The following EML6 variants were observed in gnomAD, a reference collection of about 807,000 sequenced individuals.
EML6 encodes the protein EMAP like 6.
In EML6, 154 loss-of-function variants were observed where a neutral mutation model predicts 240.1. The observed-to-expected ratio is 0.64, with a 90% CI of 0.56 to 0.73. The LOEUF is 0.73. Ranked by LOEUF, EML6 falls within the 30% of genes least tolerant of loss-of-function variation. The pLI is 0.00. For synonymous variants in EML6, 1,148 were observed against 899.0 expected, an observed-to-expected ratio of 1.28 and a Z score of -4.95; for missense variants, 2,964 against 2,474.6, an observed-to-expected ratio of 1.20 and a Z score of -4.20.
At chr2:54,875,670 G>A (rs2103950307) in intron 16 of EML6, among the ~76,000 whole-genome samples, 1 of 152,336 alleles carries the variant, frequency 6.6e-6, no homozygotes, top group Non-Finnish European at 1.5e-5. Flanking sequence ...GGCAAAATCT[G>A]TAACTGGGCT....
intron 7 of EML6, among the ~76,000 whole-genome samples, chr2:54,842,123 C>T (rs1016718881): frequency 1.2e-4 from 18 of 152,018 alleles, no homozygotes; most frequent in East Asian, 3.9e-4. Context: ...CTCTTGGTGG[C>T]GTATATTCTG....
Position 54,798,985 on chromosome 2 carries a change from A to T in EML6, c.198-14247A>T, listed in dbSNP as rs1232041329. 2.0e-5 allele frequency among the ~76,000 whole-genome samples: 3 copies of T among 152,146 alleles called. No homozygotes were observed. The East Asian group carries it at 5.8e-4, about 29-fold the overall frequency. ...TGCTGACAGCATTTATCATGAATGGATGTTGGATTTTGTTAACCAGCAAAT... is the reference window on the plus strand; with the variant it reads ...TGCTGACAGCATTTATCATGAATGGTTGTTGGATTTTGTTAACCAGCAAAT... On this transcript the variant is annotated intron_variant, in intron 2 of 41. Transcript: ENST00000356458.
intron 11 of EML6, among the ~76,000 whole-genome samples, chr2:54,857,691 T>C (rs551492113): frequency 3.7e-4 from 57 of 152,314 alleles, no homozygotes; most frequent in African/African-American, 1.3e-3. Context: ...TGGTTTCATT[T>C]GACTTAGAAC....
intron 21 of EML6, among the ~76,000 whole-genome samples, chr2:54,896,358 G>A (rs1216099008): frequency 3.3e-5 from 5 of 152,158 alleles, no homozygotes; most frequent in African/African-American, 1.2e-4. Context: ...CTCAGCCTTG[G>A]TCCACATAAG....
At chr2:54,795,759 C>T (rs1258101577) in intron 2 of EML6, among the ~76,000 whole-genome samples, 2 of 152,142 alleles carry the variant, frequency 1.3e-5, no homozygotes, top group Admixed American at 6.5e-5. Context: ...GTGATTTCCC[C>T]CGAATTCAAT....
intron 2 of EML6, among the ~76,000 whole-genome samples, chr2:54,799,904 G>A (rs539549550): frequency 6.6e-6 from 1 of 152,292 alleles, no homozygotes; most frequent in South Asian, 2.1e-4. Context: ...TAAAAGGAAA[G>A]TGAATGTGAA....
At chr2:54,909,227 CTT>C (rs1673509637) in intron 24 of EML6, among the ~76,000 whole-genome samples, 1 of 152,186 alleles carries the variant, frequency 6.6e-6, no homozygotes, top group African/African-American at 2.4e-5. Flanking sequence ...TGCAATCACT[CTT>C]GAGTGTCCTA....
chr2:54,964,239 G>T (rs1313767822), intron 37 of EML6, 81 bp downstream of exon 37: 1 of 1,420,730 alleles, frequency 7.0e-7, no homozygotes, highest in East Asian at 2.5e-5. Flanking sequence ...GCCACGGCTG[G>T]AATAAAGAAC....
intron 28 of EML6, among the ~76,000 whole-genome samples, chr2:54,938,319 A>G (rs1265092161): frequency 1.3e-5 from 2 of 152,184 alleles, no homozygotes; most frequent in East Asian, 1.9e-4. Context: ...AAAAAGTTAG[A>G]TGAAGTTTCT....
chr2:54,943,329 C>G (rs1179421041), intron 28 of EML6, among the ~76,000 whole-genome samples: 2 of 152,172 alleles, frequency 1.3e-5, no homozygotes, highest in Non-Finnish European at 2.9e-5. Flanking sequence ...GGCCTCCTGT[C>G]CATCCATGCT....
chr2:54,752,236 AT>A (rs1684208522), intron 2 of EML6, among the ~76,000 whole-genome samples: 1 of 152,232 alleles, frequency 6.6e-6, no homozygotes. Context: ...AATTTTAAAA[AT>A]AAGACAAGAA....
chr2:54,763,173 G>A (rs1047248683), intron 2 of EML6, among the ~76,000 whole-genome samples: 1 of 152,146 alleles, frequency 6.6e-6, no homozygotes, highest in African/African-American at 2.4e-5. Context: ...TATACCCATC[G>A]AGTATGAAAA....
At chr2:54,861,623 A>T (rs1449853830) in intron 12 of EML6, among the ~76,000 whole-genome samples, 1 of 152,140 alleles carries the variant, frequency 6.6e-6, no homozygotes, top group Non-Finnish European at 1.5e-5. Flanking sequence ...AGGACATGGC[A>T]CATCTTAAGC....
intron 2 of EML6, among the ~76,000 whole-genome samples, chr2:54,797,779 C>T (rs1669900958): frequency 6.6e-6 from 1 of 152,158 alleles, no homozygotes; most frequent in South Asian, 2.1e-4. Flanking sequence ...AATCCTGTCT[C>T]TACCACTTAT....
chr2:54,893,198 C>T (rs1227982055), intron 19 of EML6, among the ~76,000 whole-genome samples: 2 of 152,170 alleles, frequency 1.3e-5, no homozygotes, highest in Non-Finnish European at 2.9e-5. Flanking sequence ...TGTCTACTTG[C>T]CTTGCAGTGT....
In EML6 at chr2:54,847,463, TTTGACTTCGTTC is replaced by T; in HGVS notation, c.1050-19_1050-8del. The T allele has an allele frequency of 6.5e-7, 1 of 1,547,748 alleles. No individual in the cohort carries two copies. The highest frequency in any genetic ancestry group is 8.7e-7 in the Non-Finnish European group (1 of 1,145,446). ...CCATGGGAAGTTGGTTTTGTTTTGT[TTTGACTTCGTTC>T]TTGTGCCTAGGCTGTGGAGCCTGGC... On this transcript the variant is annotated splice_polypyrimidine_tract_variant and intron_variant, in intron 8 of 41. Coordinates refer to ENST00000356458, the MANE Select transcript of EML6 (RefSeq NM_001039753.4).
chr2:54,780,430 C>G (rs1668801635), intron 2 of EML6, among the ~76,000 whole-genome samples: 1 of 152,132 alleles, frequency 6.6e-6, no homozygotes, highest in African/African-American at 2.4e-5. Context: ...AAATATTTGA[C>G]CTGATACAGA....
intron 30 of EML6, among the ~76,000 whole-genome samples, chr2:54,951,110 A>G (rs1675954187): frequency 6.6e-6 from 1 of 152,244 alleles, no homozygotes. Context: ...GACCATAACC[A>G]TGAAGAAATC....
intron 12 of EML6, 71 bp from the exon 13 acceptor site, chr2:54,863,712 T>C (rs763730578): frequency 1.3e-6 from 1 of 755,418 alleles, no homozygotes; most frequent in South Asian, 1.7e-5. Context: ...AAAGGAAAAA[T>C]ATTTTAGATA....
Sources: gnomAD v4.1 joint callset for allele counts (sites outside exome capture counted in the v4.1 genomes callset) on GRCh38, gnomAD v4.1.1 for gene constraint, MANE v1.5 for transcripts, NCBI Gene and HGNC (gene_info 2026-07-23, HGNC 2026-07-21) for gene names.